The following TTLL11 variants were observed in gnomAD, a reference collection of about 807,000 sequenced individuals.
TTLL11 encodes the protein tubulin tyrosine ligase like 11, also known as tubulin polyglutamylase TTLL11.
A neutral mutation model predicts 51.7 loss-of-function variants in TTLL11; 42 were observed. That is an observed-to-expected ratio of 0.81 (90% CI 0.64 to 1.05). The LOEUF (loss-of-function observed/expected upper bound fraction) is 1.05. TTLL11 is among the 50% of genes least tolerant of loss of function. The probability of loss-of-function intolerance (pLI) is 0.00; values close to 1 mark genes in which losing one functional copy is unlikely to be tolerated. For synonymous variants in TTLL11, 381 were observed against 383.5 expected (o/e 0.99, Z 0.08); for missense variants, 799 against 940.4 (o/e 0.85, Z 1.97).
intron 1 of TTLL11, among the ~76,000 whole-genome samples, chr9:122,086,437 C>T (rs892338588): frequency 2.0e-5 from 3 of 150,930 alleles, no homozygotes; most frequent in Non-Finnish European, 3.0e-5. Context: ...AAATATGGTG[C>T]TTTTTTTTTA....
intron 6 of TTLL11, among the ~76,000 whole-genome samples, chr9:121,967,779 G>T (rs947136633): frequency 6.6e-6 from 1 of 152,150 alleles, no homozygotes; most frequent in Non-Finnish European, 1.5e-5. Context: ...ACTAAATGTG[G>T]TCTATCCATC....
At chr9:122,001,296 A>G (rs547509606) in intron 3 of TTLL11, among the ~76,000 whole-genome samples, 1 of 152,280 alleles carries the variant, frequency 6.6e-6, no homozygotes, top group Admixed American at 6.5e-5. Flanking sequence ...GGGTTTCCCC[A>G]CGTTGGACAG....
chr9:121,865,502 A>G (rs750877162), intron 7 of TTLL11, among the ~76,000 whole-genome samples: 3 of 152,224 alleles, frequency 2.0e-5, no homozygotes, highest in Non-Finnish European at 4.4e-5. Context: ...AAAATGCAGC[A>G]TACGCAAACT....
intron 3 of TTLL11, 131 bp downstream of exon 3, chr9:122,031,592 G>A: frequency 9.3e-7 from 1 of 1,077,996 alleles, no homozygotes; most frequent in Non-Finnish European, 1.3e-6. Flanking sequence ...AACACCTACT[G>A]TGTACTGTTA....
intron 1 of TTLL11, among the ~76,000 whole-genome samples, chr9:122,080,671 C>T (rs975177501): frequency 6.6e-6 from 1 of 150,546 alleles, no homozygotes; most frequent in Admixed American, 6.6e-5. Context: ...CCAGCCTGGG[C>T]GACAGAGTGA....
intron 1 of TTLL11, among the ~76,000 whole-genome samples, chr9:122,068,362 G>A (rs1318748653): frequency 1.3e-5 from 2 of 152,150 alleles, no homozygotes; most frequent in Non-Finnish European, 2.9e-5. Flanking sequence ...CTATAGGTGG[G>A]ATGTACTGGT....
At chr9:121,964,335 T>A (rs1023844151) in intron 6 of TTLL11, among the ~76,000 whole-genome samples, 2 of 152,128 alleles carry the variant, frequency 1.3e-5, no homozygotes. Context: ...TCTCCCTCTG[T>A]TGCCTAGGCT....
intron 1 of TTLL11, among the ~76,000 whole-genome samples, chr9:122,071,357 A>G (rs1029855416): frequency 7.2e-5 from 11 of 152,162 alleles, no homozygotes; most frequent in Non-Finnish European, 1.6e-4. Flanking sequence ...GCCGCACACA[A>G]ATCTCTCCCC....
chr9:121,844,425 A>T (rs1837454146), intron 8 of TTLL11, among the ~76,000 whole-genome samples: 1 of 152,174 alleles, frequency 6.6e-6, no homozygotes, highest in Non-Finnish European at 1.5e-5. Flanking sequence ...AAGCCTGATT[A>T]CCTTGGTTCC....
At chr9:121,846,690 G>T (rs1170792715) in intron 8 of TTLL11, among the ~76,000 whole-genome samples, 2 of 151,918 alleles carry the variant, frequency 1.3e-5, no homozygotes, top group African/African-American at 2.4e-5. Flanking sequence ...ACAACATATA[G>T]GTCCAAAAAA....
chr9:121,822,186 T>G lies in TTLL11; in HGVS notation c.*401A>C. On this transcript the variant is annotated 3_prime_UTR_variant, in exon 9 of 9. Coordinates refer to ENST00000321582, the MANE Select transcript of TTLL11 (RefSeq NM_001139442.2). The surrounding 1 kb of genome is among the most constrained non-coding windows in gnomAD (Gnocchi z 5.8). ...TCTCAGGCTTTTCCCGGTGGGCGCG[T>G]GGAGGCCCCGGCAGCAGATCCTAAC... 1 of 152,076 alleles carries G rather than the reference T, an allele frequency of 6.6e-6. No individual in the cohort carries two copies. The highest frequency in any genetic ancestry group is 2.5e-5 in the African/African-American group (1 of 40,644). The allele number at this position is 152,076 out of a possible 1,614,324, so 9.4% of individuals were successfully genotyped here.
chr9:122,026,164 C>T (rs944279378), intron 3 of TTLL11, among the ~76,000 whole-genome samples: 4 of 151,986 alleles, frequency 2.6e-5, no homozygotes, highest in African/African-American at 9.7e-5. Context: ...AGGGGCTGGG[C>T]GTGGTGGCTC....
intron 6 of TTLL11, 137 bp from the exon 7 acceptor site, chr9:121,870,885 G>T: frequency 9.8e-7 from 1 of 1,021,600 alleles, no homozygotes; most frequent in Non-Finnish European, 1.4e-6. Flanking sequence ...ACAGAGAAGT[G>T]ACCTGCCCAA....
At chr9:121,872,601 T>TACGA in intron 6 of TTLL11, among the ~76,000 whole-genome samples, 2 of 152,326 alleles carry the variant, frequency 1.3e-5, no homozygotes, top group South Asian at 4.1e-4. Flanking sequence ...GATAGCCCTG[T>TACGA]ACGAACGGTC....
chr9:121,879,065 C>T (rs1838674430), intron 6 of TTLL11, among the ~76,000 whole-genome samples: 1 of 152,162 alleles, frequency 6.6e-6, no homozygotes. Context: ...AATAATGGCA[C>T]CTAACCTATA....
chr9:122,005,837 T>A (rs1340400492), intron 3 of TTLL11, among the ~76,000 whole-genome samples: 1 of 152,178 alleles, frequency 6.6e-6, no homozygotes, highest in Non-Finnish European at 1.5e-5. Context: ...TGTTTCTCAC[T>A]GTCACAATGT....
chr9:121,938,764 C>A (rs1191191557), intron 6 of TTLL11, among the ~76,000 whole-genome samples: 2 of 143,012 alleles, frequency 1.4e-5, no homozygotes, highest in African/African-American at 5.4e-5. Context: ...ATTTGATATG[C>A]CTCAGATTGG....
At chr9:121,909,049 TAACAGTTAGTC>T (rs963827372) in intron 6 of TTLL11, among the ~76,000 whole-genome samples, 2 of 152,238 alleles carry the variant, frequency 1.3e-5, no homozygotes, top group African/African-American at 4.8e-5. Flanking sequence ...ATTCAACCCA[TAACAGTTAGTC>T]AACTTATTTA....
At chr9:121,943,115 A>AC (rs1465685140) in intron 6 of TTLL11, among the ~76,000 whole-genome samples, 1 of 152,038 alleles carries the variant, frequency 6.6e-6, no homozygotes. Flanking sequence ...ACCTTGACTC[A>AC]CCCCCATCCG....
Sources: allele counts gnomAD v4.1 joint callset (sites outside exome capture counted in the v4.1 genomes callset), GRCh38; gene constraint gnomAD v4.1.1; non-coding constraint Gnocchi (gnomAD v3.1); transcripts MANE v1.5; gene names NCBI Gene and HGNC (gene_info 2026-07-23, HGNC 2026-07-21).